Variants in ARHGAP12 observed in about 807,000 individuals in gnomAD.
ARHGAP12 encodes Rho GTPase activating protein 12.
In ARHGAP12, 64 loss-of-function variants were observed where a neutral mutation model predicts 108.6. That is an observed-to-expected ratio of 0.59 (90% CI 0.48 to 0.73). ARHGAP12 has a LOEUF of 0.73. Among genes scored for constraint, ARHGAP12 ranks in the 30% least tolerant of loss-of-function variants. ARHGAP12 has a pLI of 0.00. For missense variants in ARHGAP12, 940 were observed against 1,005.9 expected (o/e 0.93, Z 0.89); for synonymous variants, 312 against 337.2 (o/e 0.93, Z 0.82).
chr10:31,815,459 T>C (rs983109249), intron 13 of ARHGAP12, among the ~76,000 whole-genome samples: 2 of 152,328 alleles, frequency 1.3e-5, no homozygotes, highest in East Asian at 1.9e-4. Flanking sequence ...ACAGATACCA[T>C]ACTTTATTAA....
At chr10:31,873,611 T>C (rs2132341816) in intron 3 of ARHGAP12, among the ~76,000 whole-genome samples, 1 of 152,344 alleles carries the variant, frequency 6.6e-6, no homozygotes, top group Admixed American at 6.5e-5. Context: ...AACATGACCA[T>C]GTCTTATCAT....
chr10:31,927,902 T>C (rs1392454824), intron 1 of ARHGAP12, among the ~76,000 whole-genome samples: 1 of 152,206 alleles, frequency 6.6e-6, no homozygotes, highest in Admixed American at 6.5e-5. Flanking sequence ...GGAGGCGGGC[T>C]GCACGCTGGT....
chr10:31,826,222 G>T, intron 11 of ARHGAP12, 82 bp downstream of exon 11: 2 of 1,105,004 alleles, frequency 1.8e-6, no homozygotes, highest in Non-Finnish European at 2.6e-6. Flanking sequence ...TAAGGACTCT[G>T]GAAATTACCT....
intron 3 of ARHGAP12, among the ~76,000 whole-genome samples, chr10:31,875,308 C>G (rs2065443): frequency 0.46 from 69,968 of 151,872 alleles, 16,401 homozygotes; most frequent in Middle Eastern, 0.51. Context: ...GGTCAATACT[C>G]AAAACTTAAA....
At chr10:31,843,402 GT>G in intron 7 of ARHGAP12, 58 bp downstream of exon 7, 1 of 1,504,164 alleles carries the variant, frequency 6.6e-7, no homozygotes, top group Non-Finnish European at 9.0e-7. Context: ...AGTACGAATA[GT>G]TACAATTCAC....
At chr10:31,827,021 T>C (rs373975314) in intron 10 of ARHGAP12, 4 of 152,222 alleles carry the variant, frequency 2.6e-5, no homozygotes, top group African/African-American at 7.2e-5. Flanking sequence ...CATTTCTTCT[T>C]CAATCCATAC....
intron 3 of ARHGAP12, among the ~76,000 whole-genome samples, chr10:31,891,933 A>T (rs1037334042): frequency 1.3e-5 from 2 of 152,146 alleles, no homozygotes; most frequent in Non-Finnish European, 2.9e-5. Flanking sequence ...CAGCTCTATC[A>T]GGTCATTTAA....
chr10:31,875,762 C>T (rs1268886414), intron 3 of ARHGAP12, among the ~76,000 whole-genome samples: 1 of 152,180 alleles, frequency 6.6e-6, no homozygotes, highest in Non-Finnish European at 1.5e-5. Context: ...CACTACGGTG[C>T]AACCATCACC....
At chr10:31,847,395 T>C (rs1836503003) in intron 6 of ARHGAP12, among the ~76,000 whole-genome samples, 1 of 152,212 alleles carries the variant, frequency 6.6e-6, no homozygotes, top group African/African-American at 2.4e-5. Flanking sequence ...CAAATGTCAA[T>C]TTCATTTTAA....
intron 3 of ARHGAP12, among the ~76,000 whole-genome samples, chr10:31,904,924 G>A (rs961430998): frequency 6.6e-5 from 10 of 151,588 alleles, no homozygotes; most frequent in African/African-American, 1.5e-4. Context: ...CACCACACCC[G>A]GCCTCCAAAT....
intron 11 of ARHGAP12, among the ~76,000 whole-genome samples, chr10:31,825,968 C>G (rs1835590074): frequency 6.6e-6 from 1 of 152,096 alleles, no homozygotes; most frequent in Non-Finnish European, 1.5e-5. Flanking sequence ...GACTAAATAT[C>G]TGAAATAGCA....
chr10:31,858,659 G>A (rs964771978), intron 4 of ARHGAP12, among the ~76,000 whole-genome samples: 4 of 152,118 alleles, frequency 2.6e-5, no homozygotes, highest in Non-Finnish European at 4.4e-5. Context: ...CCTGAAAGGC[G>A]AAATCAGCCC....
At chr10:31,899,061 AG>A (rs1838821479) in intron 3 of ARHGAP12, among the ~76,000 whole-genome samples, 1 of 152,218 alleles carries the variant, frequency 6.6e-6, no homozygotes, top group Admixed American at 6.5e-5. Context: ...AGTGCAAGAA[AG>A]CAGTCACAAA....
chr10:31,919,650 G>A (rs796300917), intron 1 of ARHGAP12, among the ~76,000 whole-genome samples: 71 of 151,992 alleles, frequency 4.7e-4, no homozygotes, highest in African/African-American at 1.5e-3. Context: ...AATTAGCTGG[G>A]CATGGTGGTG....
chr10:31,884,130 A>G (rs1838100353), intron 3 of ARHGAP12, among the ~76,000 whole-genome samples: 1 of 150,180 alleles, frequency 6.7e-6, no homozygotes, highest in Non-Finnish European at 1.5e-5. Flanking sequence ...AATTCTACGT[A>G]TGGTTAAAAG....
intron 1 of ARHGAP12, among the ~76,000 whole-genome samples, chr10:31,919,171 G>C (rs1029990324): frequency 1.3e-5 from 2 of 152,194 alleles, no homozygotes; most frequent in African/African-American, 4.8e-5. Flanking sequence ...ACCTAGAGTA[G>C]TCAAATTCAT....
Position 31,875,188 on chromosome 10 carries a change from C to T in ARHGAP12, c.685-13530G>A, listed in dbSNP as rs553855142. Among the ~76,000 whole-genome samples, 4 of 151,704 alleles carry T rather than the reference C, an allele frequency of 2.6e-5. 1 individual carries two copies. Among genetic ancestry groups the T allele is most frequent in the South Asian group, 4.2e-4 (2 of 4,796 alleles). On this transcript the variant is annotated intron_variant, in intron 3 of 19. Transcript: ENST00000344936. ...GAGATTAAAAAGAAAAAAATGCTTA[C>T]GGGAGAAAAAGGGCCATTAATTTTA...
At position 31,854,649 on chromosome 10, in the gene ARHGAP12, C is replaced by T. The variant is rs182517185; in HGVS notation, c.949-443G>A. Among the ~76,000 whole-genome samples, 879 of 152,244 alleles carry T rather than the reference C, an allele frequency of 5.8e-3. 5 individuals carry two copies. Among genetic ancestry groups the T allele is most frequent in the Non-Finnish European group, 9.2e-3 (629 of 68,016 alleles). ...ATAGCCACATGCAAGGCAAACAACC[C>T]TGCTCAATAAATATATCTCAGACTA... On this transcript the variant is annotated intron_variant, in intron 4 of 19. Transcript: ENST00000344936.
At chr10:31,811,663 C>CA (rs1835024676) in intron 15 of ARHGAP12, among the ~76,000 whole-genome samples, 1 of 51,762 alleles carries the variant, frequency 1.9e-5, no homozygotes. Context: ...TCTTAAATAC[C>CA]TTTTTTATTT....
Sources: allele counts gnomAD v4.1 joint callset (sites outside exome capture counted in the v4.1 genomes callset), GRCh38; gene constraint gnomAD v4.1.1; transcripts MANE v1.5; gene names NCBI Gene and HGNC (gene_info 2026-07-23, HGNC 2026-07-21).